Variants in RANGAP1 observed in about 807,000 individuals in gnomAD.
RANGAP1 encodes ran GTPase-activating protein 1.
In RANGAP1, 38 loss-of-function variants were observed where a neutral mutation model predicts 63.5. That is an observed-to-expected ratio of 0.60 (90% CI 0.46 to 0.78). The LOEUF is 0.78. Ranked by LOEUF, RANGAP1 falls within the 30% of genes least tolerant of loss-of-function variation. The pLI is 0.00. For synonymous variants in RANGAP1, 329 were observed against 310.5 expected (o/e 1.06, Z -0.63); for missense variants, 630 against 740.3 (o/e 0.85, Z 1.73).
At chr22:41,301,792 C>A in the RANGAP1 span, 1 of 151,890 alleles carries the variant, frequency 6.6e-6, no homozygotes, top group Non-Finnish European at 1.5e-5. Flanking sequence ...TGGCGCGGCC[C>A]GAGCCCCGCG....
At chr22:41,276,876 G>A (rs1417804085) in intron 2 of RANGAP1, among the ~76,000 whole-genome samples, 7 of 150,986 alleles carry the variant, frequency 4.6e-5, no homozygotes, top group African/African-American at 7.3e-5. Context: ...CCAGCTGCTC[G>A]GAAGGCTGAG....
upstream of RANGAP1, chr22:41,286,202 G>A (rs1340973244): frequency 6.6e-6 from 1 of 152,350 alleles, no homozygotes; most frequent in African/African-American, 2.4e-5. Context: ...GATGGCGGAG[G>A]AGGAGGATTT....
chr22:41,296,662 AAC>A, the RANGAP1 span, among the ~76,000 whole-genome samples: 4 of 151,936 alleles, frequency 2.6e-5, no homozygotes, highest in African/African-American at 4.8e-5. Flanking sequence ...AAAAAAAAAA[AAC>A]ACACACACAT....
At chr22:41,285,382 G>A (rs1352016290) in intron 1 of RANGAP1, 1 of 553,476 alleles carries the variant, frequency 1.8e-6, no homozygotes, top group East Asian at 1.5e-4. Flanking sequence ...CAAGAAACTG[G>A]AGCACAGAAA....
intron 1 of RANGAP1, among the ~76,000 whole-genome samples, chr22:41,283,531 A>G (rs1466245269): frequency 6.6e-6 from 1 of 152,094 alleles, no homozygotes; most frequent in African/African-American, 2.4e-5. Context: ...AACAACAACA[A>G]CAACAAAAAG....
At chr22:41,276,569 G>A (rs1210675668) in intron 2 of RANGAP1, among the ~76,000 whole-genome samples, 1 of 152,114 alleles carries the variant, frequency 6.6e-6, no homozygotes, top group Non-Finnish European at 1.5e-5. Context: ...AACCTGGGAG[G>A]CAGAGGTTGC....
intron 2 of RANGAP1, chr22:41,277,572 T>G (rs1170937783): frequency 1.8e-6 from 2 of 1,090,668 alleles, no homozygotes; most frequent in East Asian, 1.3e-4. Flanking sequence ...AGTTTGAACT[T>G]GACCTTCTGG....
chr22:41,294,791 A>G, the RANGAP1 span, among the ~76,000 whole-genome samples: 3 of 99,460 alleles, frequency 3.0e-5, no homozygotes, highest in African/African-American at 8.2e-5. Flanking sequence ...GCCCCGTCTG[A>G]GAAGTGAGGA....
At chr22:41,275,501 T>A (rs190663494) in intron 2 of RANGAP1, among the ~76,000 whole-genome samples, 1 of 146,464 alleles carries the variant, frequency 6.8e-6, no homozygotes, top group East Asian at 2.1e-4. Flanking sequence ...TAAAAAAAAG[T>A]CAGGCATGGT....
chr22:41,285,787 A>T, intron 1 of RANGAP1, 199 bp downstream of exon 1: 1 of 832,684 alleles, frequency 1.2e-6, no homozygotes, highest in Non-Finnish European at 1.4e-6. Flanking sequence ...TTTAAGCCTC[A>T]GTTTCCCCAT....
upstream of RANGAP1, among the ~76,000 whole-genome samples, chr22:41,290,174 G>GAA (rs1416585386): frequency 2.0e-5 from 3 of 148,376 alleles, no homozygotes; most frequent in African/African-American, 2.5e-5. Context: ...GAGAGAGAGA[G>GAA]AGAGAAAGAG....
At chr22:41,271,667 C>G (rs1381974673) in intron 3 of RANGAP1, among the ~76,000 whole-genome samples, 1 of 150,618 alleles carries the variant, frequency 6.6e-6, no homozygotes. Flanking sequence ...GCACTCCAGC[C>G]TGGGGACAGA....
At chr22:41,301,171 A>G in the RANGAP1 span, among the ~76,000 whole-genome samples, 1 of 152,094 alleles carries the variant, frequency 6.6e-6, no homozygotes, top group Admixed American at 6.6e-5. Flanking sequence ...ATCTATGAGA[A>G]GGGCACAACG....
chr22:41,279,585 T>A (rs2035370439), intron 2 of RANGAP1, among the ~76,000 whole-genome samples: 1 of 150,866 alleles, frequency 6.6e-6, no homozygotes, highest in South Asian at 2.1e-4. Flanking sequence ...GAGGTTAAAG[T>A]GAGCTGAGAT....
chr22:41,263,305 G>A (rs762560311), intron 5 of RANGAP1, among the ~76,000 whole-genome samples: 13 of 152,232 alleles, frequency 8.5e-5, no homozygotes, highest in Non-Finnish European at 1.5e-4. Context: ...CTCTCCCAGC[G>A]TATGCCACTC....
chr22:41,258,108 T>C lies in RANGAP1; in HGVS notation c.616-2A>G. On this transcript the variant is annotated splice_acceptor_variant, in intron 6 of 15. Coordinates refer to ENST00000356244, the MANE Select transcript of RANGAP1 (RefSeq NM_002883.4). LOFTEE classifies it high-confidence loss of function. Reference sequence around the variant, plus strand: ...GACCTCCTCCAGGGTCCCGATGACCTGTGAAGAGGAGGCAGAGAGTGGAGG... The same window carrying C: ...GACCTCCTCCAGGGTCCCGATGACCCGTGAAGAGGAGGCAGAGAGTGGAGG... 1 of 1,596,610 alleles carries C rather than the reference T, an allele frequency of 6.3e-7. No homozygotes were observed. Among genetic ancestry groups the C allele is most frequent in the Non-Finnish European group, 8.6e-7 (1 of 1,168,834 alleles).
chr22:41,253,029 G>A, intron 11 of RANGAP1, 38 bp from the exon 12 acceptor site: 1 of 1,399,692 alleles, frequency 7.1e-7, no homozygotes. Flanking sequence ...GAGAATTCCG[G>A]ACCCCAGACT....
At chr22:41,277,293 T>C (rs904081769) in intron 2 of RANGAP1, among the ~76,000 whole-genome samples, 34 of 151,876 alleles carry the variant, frequency 2.2e-4, no homozygotes, top group Non-Finnish European at 1.5e-5. Context: ...TTAGCCAGGA[T>C]GGTCTCGATC....
At chr22:41,253,369 G>A (rs112687352) in intron 11 of RANGAP1, among the ~76,000 whole-genome samples, 4 of 152,366 alleles carry the variant, frequency 2.6e-5, no homozygotes, top group African/African-American at 9.6e-5. Context: ...GCTAGCACCA[G>A]AGGTGCCCAG....
Sources: allele counts gnomAD v4.1 joint callset (sites outside exome capture counted in the v4.1 genomes callset), GRCh38; gene constraint gnomAD v4.1.1; transcripts MANE v1.5; gene names NCBI Gene and HGNC (gene_info 2026-07-23, HGNC 2026-07-21).